The following CDK8 variants were observed in gnomAD, a reference collection of about 807,000 sequenced individuals.
The protein encoded by CDK8 is cyclin dependent kinase 8.
CDK8 carries 29 observed loss-of-function variants against 71.5 expected under a neutral mutation model. That is an observed-to-expected ratio of 0.41 (90% CI 0.30 to 0.55). CDK8 has a LOEUF of 0.55. CDK8 is among the 20% of genes least tolerant of loss of function. The pLI is 0.37. For synonymous variants in CDK8, 161 were observed against 192.1 expected, an observed-to-expected ratio of 0.84 and a Z score of 1.34; for missense variants, 288 against 572.6, an observed-to-expected ratio of 0.50 and a Z score of 5.07.
rs1238318574 is a variant in CDK8 at position 26,324,684 on chromosome 13, GT to G, written c.129-12881del. The stretch of plus-strand genomic sequence containing the variant: ...GTTGCCCATATCTTCTAGCATGAGT[GT>G]TAAGGAGAAAAGAATGATTATAAAT... On this transcript the variant is annotated intron_variant, in intron 1 of 12. Coordinates refer to ENST00000381527, the MANE Select transcript of CDK8 (RefSeq NM_001260.3). 5 of 201,140 alleles carry G rather than the reference GT, an allele frequency of 2.5e-5. No homozygotes were observed. The Admixed American group carries it at 3.3e-4, about 13-fold the overall frequency. The allele number at this position is 201,140 out of a possible 1,614,324, so 12.5% of individuals were successfully genotyped here.
At chr13:26,273,780 A>G (rs1335218581) in intron 1 of CDK8, among the ~76,000 whole-genome samples, 1 of 152,098 alleles carries the variant, frequency 6.6e-6, no homozygotes, top group African/African-American at 2.4e-5. Context: ...TACTTAAAAA[A>G]AAAGTTTTAT....
chr13:26,337,753 A>G (rs1873054742), intron 2 of CDK8, 111 bp downstream of exon 2: 1 of 404,896 alleles, frequency 2.5e-6, no homozygotes, highest in Non-Finnish European at 4.5e-6. Context: ...GAATATTTTT[A>G]TATCAACTAT....
chr13:26,357,514 C>G (rs757429072), intron 4 of CDK8, among the ~76,000 whole-genome samples: 25 of 152,146 alleles, frequency 1.6e-4, no homozygotes, highest in Admixed American at 1.3e-4. Context: ...ACTCTCTTCC[C>G]TTTTCTTTGT....
intron 1 of CDK8, among the ~76,000 whole-genome samples, chr13:26,297,845 C>T (rs372475142): frequency 6.6e-6 from 1 of 152,132 alleles, no homozygotes; most frequent in African/African-American, 2.4e-5. Context: ...ATTTCTCACA[C>T]TTTTGAAAGC....
intron 4 of CDK8, among the ~76,000 whole-genome samples, chr13:26,368,736 T>C (rs1055914048): frequency 2.6e-5 from 4 of 152,208 alleles, no homozygotes; most frequent in Non-Finnish European, 5.9e-5. Context: ...ACTTTGGGGT[T>C]TTAGTTAAAG....
Position 26,254,524 on chromosome 13 carries a change from C to A in CDK8, c.-118C>A. On this transcript the variant is annotated 5_prime_UTR_variant, in exon 1 of 13. It introduces an in-frame stop codon into an upstream open reading frame of the 5' UTR. Transcript: ENST00000381527. The surrounding 1 kb of genome is among the most constrained non-coding windows in gnomAD (Gnocchi z 6.7). ...TGCCGCATCAGTCGGGCTGGTGCTG[C>A]GGCCGGCGGGCGTAGAGCGGGCGGG... 1 of 788,806 alleles carries A rather than the reference C, an allele frequency of 1.3e-6. No individual in the cohort carries two copies. Among genetic ancestry groups the A allele is most frequent in the Non-Finnish European group, 2.0e-6 (1 of 510,758 alleles). The allele number at this position is 788,806 out of a possible 1,614,324, so 48.9% of individuals were successfully genotyped here. A position where few individuals can be genotyped will look rare whatever the true frequency, so the allele number is the denominator to read the frequency against.
At chr13:26,379,449 C>T (rs189310920) in intron 4 of CDK8, among the ~76,000 whole-genome samples, 32 of 152,238 alleles carry the variant, frequency 2.1e-4, no homozygotes, top group African/African-American at 6.0e-4. Context: ...ATTTAGAACT[C>T]GACCAGTTCA....
At chr13:26,255,811 A>G (rs1166541454) in intron 1 of CDK8, among the ~76,000 whole-genome samples, 4 of 152,192 alleles carry the variant, frequency 2.6e-5, no homozygotes, top group Non-Finnish European at 4.4e-5. Flanking sequence ...CACCTGCTGT[A>G]TGATGTTTAA....
chr13:26,286,955 CA>C (rs1444861283), intron 1 of CDK8, among the ~76,000 whole-genome samples: 1 of 152,090 alleles, frequency 6.6e-6, no homozygotes, highest in African/African-American at 2.4e-5. Flanking sequence ...AAGGAGATAC[CA>C]CCTTACTCCT....
chr13:26,325,292 CA>C (rs1178789401), intron 1 of CDK8, among the ~76,000 whole-genome samples: 2 of 152,076 alleles, frequency 1.3e-5, no homozygotes, highest in Non-Finnish European at 2.9e-5. Flanking sequence ...TCAGAATGAT[CA>C]AAAAAGCAGT....
intron 2 of CDK8, among the ~76,000 whole-genome samples, chr13:26,339,609 A>T (rs564509573): frequency 0.021 from 3,072 of 145,262 alleles, 48 homozygotes; most frequent in Middle Eastern, 0.033. Flanking sequence ...TTTTTTTTTT[A>T]AAAAGCTTGT....
At chr13:26,392,321 A>AC (rs1555235026) in intron 6 of CDK8, among the ~76,000 whole-genome samples, 15 of 136,964 alleles carry the variant, frequency 1.1e-4, no homozygotes, top group South Asian at 6.9e-4. Flanking sequence ...TGAATTTATA[A>AC]CCCTTTTTTT....
At chr13:26,348,118 T>C (rs1309097049) in intron 2 of CDK8, among the ~76,000 whole-genome samples, 1 of 151,014 alleles carries the variant, frequency 6.6e-6, no homozygotes, top group African/African-American at 2.4e-5. Context: ...ATGCATAGAG[T>C]GGAGTATATT....
intron 8 of CDK8, among the ~76,000 whole-genome samples, chr13:26,396,645 AG>A (rs1876008294): frequency 6.6e-6 from 1 of 152,154 alleles, no homozygotes; most frequent in Non-Finnish European, 1.5e-5. Context: ...GAAGTATCAC[AG>A]CTGAATAAAT....
intron 1 of CDK8, among the ~76,000 whole-genome samples, chr13:26,297,524 A>T (rs1412905340): frequency 6.6e-6 from 1 of 152,144 alleles, no homozygotes. Flanking sequence ...TAAATGGGAT[A>T]GTCTTCCAGT....
intron 5 of CDK8, among the ~76,000 whole-genome samples, chr13:26,383,255 A>G (rs1875317267): frequency 6.6e-6 from 1 of 152,250 alleles, no homozygotes; most frequent in South Asian, 2.1e-4. Context: ...AGATGAGCAC[A>G]TATGCCTCTG....
intron 1 of CDK8, among the ~76,000 whole-genome samples, chr13:26,319,545 T>C (rs969073046): frequency 2.4e-4 from 36 of 152,178 alleles, no homozygotes; most frequent in Admixed American, 2.6e-4. Flanking sequence ...CTGTAACACA[T>C]TGCTGAAAGA....
At chr13:26,347,540 A>C (rs1191277501) in intron 2 of CDK8, among the ~76,000 whole-genome samples, 1 of 152,224 alleles carries the variant, frequency 6.6e-6, no homozygotes, top group Non-Finnish European at 1.5e-5. Flanking sequence ...ATATTTGATA[A>C]GGGATTAGTA....
chr13:26,365,626 G>T (rs1045167674), intron 4 of CDK8, among the ~76,000 whole-genome samples: 9 of 152,046 alleles, frequency 5.9e-5, no homozygotes, highest in Admixed American at 4.6e-4. Context: ...GACCATGGAA[G>T]TTGACTTGAA....
Sources: allele counts gnomAD v4.1 joint callset (sites outside exome capture counted in the v4.1 genomes callset), GRCh38; gene constraint gnomAD v4.1.1; non-coding constraint Gnocchi (gnomAD v3.1); transcripts MANE v1.5; gene names NCBI Gene and HGNC (gene_info 2026-07-23, HGNC 2026-07-21).